Variants in STXBP5L observed in about 807,000 individuals in gnomAD.
The protein encoded by STXBP5L is syntaxin-binding protein 5-like.
STXBP5L carries 65 observed loss-of-function variants against 144.5 expected under a neutral mutation model. That is an observed-to-expected ratio of 0.45 (90% confidence interval 0.37 to 0.55). The LOEUF is 0.55. Among genes scored for constraint, STXBP5L ranks in the 20% least tolerant of loss-of-function variants. The probability of loss-of-function intolerance (pLI) is 0.00; values close to 1 mark genes in which losing one functional copy is unlikely to be tolerated. For missense variants in STXBP5L, 1,298 were observed against 1,405.5 expected, an observed-to-expected ratio of 0.92 and a Z score of 1.22; for synonymous variants, 505 against 469.6, an observed-to-expected ratio of 1.08 and a Z score of -0.97.
At chr3:120,980,448 T>G (rs1184091451) in intron 3 of STXBP5L, among the ~76,000 whole-genome samples, 1 of 139,088 alleles carries the variant, frequency 7.2e-6, no homozygotes, top group Admixed American at 7.8e-5. Context: ...TTTATCACCA[T>G]ATAATGTCCT....
chr3:121,325,593 A>G (rs1434266879), intron 20 of STXBP5L, among the ~76,000 whole-genome samples: 4 of 152,038 alleles, frequency 2.6e-5, no homozygotes, highest in Non-Finnish European at 5.9e-5. Flanking sequence ...CTTAAGAAAT[A>G]TACATTCCAT....
chr3:121,035,692 CTT>C (rs1426595861), intron 3 of STXBP5L, among the ~76,000 whole-genome samples: 1 of 152,080 alleles, frequency 6.6e-6, no homozygotes, highest in Non-Finnish European at 1.5e-5. Context: ...TATTCTGGCA[CTT>C]TTATTGGTTC....
intron 20 of STXBP5L, among the ~76,000 whole-genome samples, chr3:121,334,912 AC>A (rs2044451605): frequency 6.6e-6 from 1 of 151,960 alleles, no homozygotes; most frequent in African/African-American, 2.4e-5. Context: ...AAGTATGCTC[AC>A]CCACCACTCC....
At chr3:121,369,120 C>T (rs2045953133) in intron 20 of STXBP5L, among the ~76,000 whole-genome samples, 1 of 152,156 alleles carries the variant, frequency 6.6e-6, no homozygotes, top group Non-Finnish European at 1.5e-5. Context: ...TGCACAGCTG[C>T]CTGGCAGGGG....
intron 25 of STXBP5L, among the ~76,000 whole-genome samples, chr3:121,416,488 T>TTTATTTA (rs2047238440): frequency 6.9e-6 from 1 of 144,226 alleles, no homozygotes; most frequent in African/African-American, 2.5e-5. Context: ...TATTTATTTA[T>TTTATTTA]TTATTTATTT....
chr3:120,948,896 ATT>A (rs144774988), intron 2 of STXBP5L, among the ~76,000 whole-genome samples: 3 of 149,660 alleles, frequency 2.0e-5, no homozygotes, highest in African/African-American at 7.4e-5. Flanking sequence ...TCATATAATG[ATT>A]TTTTTTTTCT....
At chr3:120,972,020 T>C (rs1185119023) in intron 3 of STXBP5L, among the ~76,000 whole-genome samples, 1 of 152,082 alleles carries the variant, frequency 6.6e-6, no homozygotes, top group Non-Finnish European at 1.5e-5. Flanking sequence ...GTCTCTAGCT[T>C]TATTCTTTTT....
chr3:121,345,283 G>A (rs1006179157), intron 20 of STXBP5L, among the ~76,000 whole-genome samples: 5 of 151,998 alleles, frequency 3.3e-5, no homozygotes, highest in African/African-American at 7.3e-5. Context: ...CCTTGTGATA[G>A]TTTGCTGAGA....
intron 9 of STXBP5L, among the ~76,000 whole-genome samples, chr3:121,194,366 C>T (rs1224416306): frequency 6.6e-6 from 1 of 151,784 alleles, no homozygotes; most frequent in Non-Finnish European, 1.5e-5. Flanking sequence ...TACTTTATTC[C>T]TATTTATTGG....
At chr3:121,205,432 A>G (rs886725812) in intron 9 of STXBP5L, among the ~76,000 whole-genome samples, 1 of 152,230 alleles carries the variant, frequency 6.6e-6, no homozygotes, top group African/African-American at 2.4e-5. Flanking sequence ...TTCATCCATG[A>G]GGGCAAAGCC....
chr3:120,963,835 T>C (rs1042190263), intron 3 of STXBP5L, among the ~76,000 whole-genome samples: 1 of 152,218 alleles, frequency 6.6e-6, no homozygotes, highest in Non-Finnish European at 1.5e-5. Flanking sequence ...TGAAATACTT[T>C]CAGAAGGAAT....
At chr3:121,050,327 G>T (rs1947866947) in intron 5 of STXBP5L, among the ~76,000 whole-genome samples, 1 of 151,878 alleles carries the variant, frequency 6.6e-6, no homozygotes, top group East Asian at 1.9e-4. Flanking sequence ...TCCTAATTCT[G>T]GTTATTTTAG....
chr3:120,938,307 C>T (rs964718595), intron 2 of STXBP5L, among the ~76,000 whole-genome samples: 1 of 152,022 alleles, frequency 6.6e-6, no homozygotes, highest in Admixed American at 6.6e-5. Flanking sequence ...TTCTATTAAG[C>T]ATCCTGGCTT....
At chr3:121,382,123 A>T (rs1457407695) in intron 22 of STXBP5L, among the ~76,000 whole-genome samples, 1 of 151,966 alleles carries the variant, frequency 6.6e-6, no homozygotes, top group Non-Finnish European at 1.5e-5. Context: ...TGAAGAAGAG[A>T]TAAGTATGAT....
intron 5 of STXBP5L, among the ~76,000 whole-genome samples, chr3:121,051,793 C>A (rs1576785933): frequency 6.6e-6 from 1 of 152,064 alleles, no homozygotes; most frequent in Non-Finnish European, 1.5e-5. Context: ...ATTAATGAAG[C>A]CAGGAGCTGG....
chr3:121,384,573 A>G (rs1471787403), intron 22 of STXBP5L, among the ~76,000 whole-genome samples: 3 of 152,136 alleles, frequency 2.0e-5, no homozygotes, highest in African/African-American at 7.2e-5. Flanking sequence ...AGGACATGGC[A>G]TAGCTGGAGA....
chr3:121,338,228 G>C (rs1411218564), intron 20 of STXBP5L, among the ~76,000 whole-genome samples: 2 of 152,036 alleles, frequency 1.3e-5, no homozygotes, highest in Admixed American at 1.3e-4. Flanking sequence ...AATGAAATTA[G>C]AACAAAGAAA....
intron 7 of STXBP5L, among the ~76,000 whole-genome samples, chr3:121,140,559 T>C (rs2045452994): frequency 1.3e-5 from 2 of 152,294 alleles, no homozygotes; most frequent in Non-Finnish European, 2.9e-5. Flanking sequence ...TTCAGCCATA[T>C]AAAATGATGA....
intron 9 of STXBP5L, among the ~76,000 whole-genome samples, chr3:121,167,727 TG>T: frequency 6.6e-6 from 1 of 152,120 alleles, no homozygotes; most frequent in East Asian, 1.9e-4. Context: ...AGAGAGCACC[TG>T]GGGGAAGGGG....
Sources: gnomAD v4.1 joint callset for allele counts (sites outside exome capture counted in the v4.1 genomes callset) on GRCh38, gnomAD v4.1.1 for gene constraint, MANE v1.5 for transcripts, NCBI Gene and HGNC (gene_info 2026-07-23, HGNC 2026-07-21) for gene names.